The following LYRM4 variants were observed in gnomAD, a reference collection of about 807,000 sequenced individuals.
LYRM4 encodes the protein LYR motif-containing protein 4.
A neutral mutation model predicts 11.7 loss-of-function variants in LYRM4; 9 were observed. The ratio of observed to expected loss-of-function variants is 0.77; its 90% confidence interval spans 0.46 to 1.34. LYRM4 has a LOEUF of 1.34. Ranked by LOEUF, LYRM4 falls within the 40% of genes most tolerant of loss-of-function variation. LYRM4 has a pLI of 0.00. For synonymous variants in LYRM4, 42 were observed against 40.4 expected (o/e 1.04, Z -0.15); for missense variants, 133 against 112.5 (o/e 1.18, Z -0.82).
chr6:5,150,166 T>C (rs1361499898), intron 2 of LYRM4, among the ~76,000 whole-genome samples: 1 of 152,228 alleles, frequency 6.6e-6, no homozygotes, highest in Non-Finnish European at 1.5e-5. Context: ...GTAAGCTTTG[T>C]AGAAGGCAGG....
At chr6:5,223,060 C>T (rs1762678809) in intron 1 of LYRM4, among the ~76,000 whole-genome samples, 2 of 152,152 alleles carry the variant, frequency 1.3e-5, no homozygotes, top group Admixed American at 1.3e-4. Flanking sequence ...TGAAATTTAA[C>T]AACCAGAGGA....
At chr6:5,222,775 AAAG>A (rs1179837458) in intron 1 of LYRM4, among the ~76,000 whole-genome samples, 7 of 151,604 alleles carry the variant, frequency 4.6e-5, no homozygotes, top group Admixed American at 1.3e-4. Flanking sequence ...AAAAAAAAAA[AAAG>A]AAAGATTAGA....
chr6:5,194,112 A>G (rs1365597024), intron 2 of LYRM4, among the ~76,000 whole-genome samples: 3 of 150,772 alleles, frequency 2.0e-5, no homozygotes, highest in African/African-American at 7.3e-5. Context: ...AAAGAGAGAG[A>G]CAGAGGACAA....
intron 2 of LYRM4, chr6:5,187,013 A>G: frequency 1.5e-5 from 14 of 956,292 alleles, no homozygotes; most frequent in Non-Finnish European, 1.7e-5. Flanking sequence ...CTATAAAAGA[A>G]TAGTAAATGG....
chr6:5,120,732 CTCAGAGCGCTGATTGGTGCATTTTT>C (rs1259970368), intron 2 of LYRM4, among the ~76,000 whole-genome samples: 4 of 152,218 alleles, frequency 2.6e-5, no homozygotes, highest in East Asian at 1.9e-4. Context: ...TCTAGCTAGC[CTCAGAGCGCTGATTGGTGCATTTTT>C]ACAGAGCACT....
the LYRM4 span, among the ~76,000 whole-genome samples, chr6:5,076,008 G>A: frequency 2.6e-5 from 4 of 151,496 alleles, no homozygotes; most frequent in East Asian, 3.9e-4. Flanking sequence ...GCAGTGGTGC[G>A]ATCATGGCTC....
chr6:5,256,335 C>A (rs1354033246), intron 1 of LYRM4, among the ~76,000 whole-genome samples: 1 of 151,412 alleles, frequency 6.6e-6, no homozygotes, highest in Non-Finnish European at 1.5e-5. Context: ...ACTAAAAATA[C>A]AGAAATTAGC....
At chr6:5,066,066 A>G in the LYRM4 span, 1 of 404,190 alleles carries the variant, frequency 2.5e-6, no homozygotes, top group Admixed American at 3.5e-5. Context: ...CGGTAAATAA[A>G]TTTCCATGAG....
chr6:5,102,829 A>G (rs988801220), downstream of LYRM4: 2 of 152,222 alleles, frequency 1.3e-5, no homozygotes, highest in Non-Finnish European at 2.9e-5. Context: ...CATTCTTGTC[A>G]TCTAATTTCA....
chr6:5,213,260 A>G (rs986040586), intron 2 of LYRM4, among the ~76,000 whole-genome samples: 2 of 152,206 alleles, frequency 1.3e-5, no homozygotes, highest in African/African-American at 4.8e-5. Flanking sequence ...TCTACCCAGA[A>G]AACCAGGTCA....
chr6:5,034,341 G>A, the LYRM4 span: 1 of 152,234 alleles, frequency 6.6e-6, no homozygotes, highest in South Asian at 2.1e-4. Flanking sequence ...TTGTGGATTC[G>A]TGAGATGATG....
the LYRM4 span, among the ~76,000 whole-genome samples, chr6:5,080,840 C>T: frequency 6.6e-6 from 1 of 152,136 alleles, no homozygotes; most frequent in Non-Finnish European, 1.5e-5. Flanking sequence ...AATTGTTTGA[C>T]ATTTCCCAGC....
the LYRM4 span, among the ~76,000 whole-genome samples, chr6:5,046,421 C>G: frequency 1.3e-5 from 2 of 152,184 alleles, no homozygotes; most frequent in Non-Finnish European, 2.9e-5. Flanking sequence ...GCTGGGATTA[C>G]AGATATTCCA....
intron 2 of LYRM4, among the ~76,000 whole-genome samples, chr6:5,170,742 T>C (rs1040043943): frequency 3.3e-5 from 5 of 152,212 alleles, no homozygotes; most frequent in African/African-American, 1.2e-4. Flanking sequence ...TTCTCCCCAA[T>C]TGGGGATGTA....
rs564557949 is a variant in LYRM4 at position 5,245,338 on chromosome 6, C to T, written c.86+15310G>A. On this transcript the variant is annotated intron_variant, in intron 1 of 2. Transcript: ENST00000330636. The stretch of plus-strand genomic sequence containing the variant: ...CCGCCCCGGTAGTTCACCCAAATCC[C>T]TTTACTCCTACTTGTTAATAAGCAG... Among the ~76,000 whole-genome samples the T allele has an allele frequency of 8.6e-5, 13 of 151,452 alleles. No homozygotes were observed. In the East Asian group the frequency reaches 2.0e-3, roughly 23 times the overall value.
At chr6:5,258,953 T>C (rs1289184067) in intron 1 of LYRM4, among the ~76,000 whole-genome samples, 2 of 152,230 alleles carry the variant, frequency 1.3e-5, no homozygotes, top group East Asian at 3.8e-4. Flanking sequence ...TTGAAAACGC[T>C]TGGGCCTCAT....
At chr6:5,116,855 C>T (rs565301446) in intron 2 of LYRM4, among the ~76,000 whole-genome samples, 66 of 152,266 alleles carry the variant, frequency 4.3e-4, no homozygotes, top group Non-Finnish European at 7.5e-4. Context: ...AGCAGGATAT[C>T]AGAAAATACA....
the LYRM4 span, among the ~76,000 whole-genome samples, chr6:5,059,363 C>T: frequency 3.5e-5 from 5 of 143,528 alleles, no homozygotes; most frequent in Admixed American, 2.8e-4. Context: ...AAAAAAAAGT[C>T]CTCTGTGTAC....
chr6:5,229,807 A>G (rs1236865115), intron 1 of LYRM4, among the ~76,000 whole-genome samples: 1 of 152,242 alleles, frequency 6.6e-6, no homozygotes, highest in African/African-American at 2.4e-5. Context: ...AATCAATAAA[A>G]TAATGGAAAG....
Sources: allele counts gnomAD v4.1 joint callset (sites outside exome capture counted in the v4.1 genomes callset), GRCh38; gene constraint gnomAD v4.1.1; transcripts MANE v1.5; gene names NCBI Gene and HGNC (gene_info 2026-07-23, HGNC 2026-07-21).